TBC1D1: variants seen among roughly 807,000 people sequenced by gnomAD.
TBC1D1 encodes the protein TBC1 domain family member 1.
Under a neutral mutation model 125.6 loss-of-function variants are expected in TBC1D1, and 89 were observed. The ratio of observed to expected loss-of-function variants is 0.71; its 90% CI spans 0.60 to 0.85. The LOEUF (loss-of-function observed/expected upper bound fraction) is 0.85, where lower values mean the gene tolerates loss of function less well. Among genes scored for constraint, TBC1D1 ranks in the 40% least tolerant of loss-of-function variants. The pLI is 0.00. For missense variants in TBC1D1, 1,377 were observed against 1,469.2 expected (o/e 0.94, Z 1.03); for synonymous variants, 565 against 564.1 (o/e 1.00, Z -0.02).
At chr4:37,976,597 T>C (rs1733127927) in intron 2 of TBC1D1, among the ~76,000 whole-genome samples, 2 of 151,980 alleles carry the variant, frequency 1.3e-5, no homozygotes, top group Admixed American at 1.3e-4. Flanking sequence ...AGGAACTCAG[T>C]GAGTGGTTCC....
chr4:37,973,164 C>T (rs886720387), intron 2 of TBC1D1, among the ~76,000 whole-genome samples: 1 of 152,192 alleles, frequency 6.6e-6, no homozygotes, highest in Non-Finnish European at 1.5e-5. Flanking sequence ...ATTAGTGATT[C>T]TGCCTACTCC....
chr4:37,949,813 G>A (rs1727460777), intron 2 of TBC1D1, among the ~76,000 whole-genome samples: 1 of 152,140 alleles, frequency 6.6e-6, no homozygotes, highest in Non-Finnish European at 1.5e-5. Flanking sequence ...CCAAAAGAAT[G>A]GGCTTGGCTA....
intron 12 of TBC1D1, among the ~76,000 whole-genome samples, chr4:38,066,742 G>T (rs529896344): frequency 6.6e-6 from 1 of 152,302 alleles, no homozygotes; most frequent in South Asian, 2.1e-4. Context: ...CACATTCAGG[G>T]AGCTCTCCGC....
At chr4:37,987,883 G>A (rs939540938) in intron 2 of TBC1D1, among the ~76,000 whole-genome samples, 1 of 152,190 alleles carries the variant, frequency 6.6e-6, no homozygotes, top group Non-Finnish European at 1.5e-5. Flanking sequence ...CAGCTTACCT[G>A]GAAAGTTCTC....
chr4:38,079,617 C>T (rs535789180), intron 12 of TBC1D1, among the ~76,000 whole-genome samples: 53 of 151,790 alleles, frequency 3.5e-4, no homozygotes, highest in Non-Finnish European at 6.3e-4. Context: ...ATTGCAGCTA[C>T]TTGGGAGGCT....
intron 2 of TBC1D1, among the ~76,000 whole-genome samples, chr4:37,916,303 GCTCT>G (rs1311644667): frequency 6.6e-6 from 1 of 151,622 alleles, no homozygotes; most frequent in Non-Finnish European, 1.5e-5. Context: ...TTATAACTCA[GCTCT>G]CTCTCTTGTT....
intron 2 of TBC1D1, among the ~76,000 whole-genome samples, chr4:37,972,029 A>T (rs1418257211): frequency 2.0e-5 from 3 of 151,194 alleles, no homozygotes; most frequent in Middle Eastern, 3.2e-3. Flanking sequence ...ATCATCTGAG[A>T]CCCTCTACTC....
intron 2 of TBC1D1, among the ~76,000 whole-genome samples, chr4:38,009,060 G>A (rs999896100): frequency 5.9e-5 from 9 of 152,324 alleles, no homozygotes; most frequent in South Asian, 2.1e-4. Flanking sequence ...ATTTTCTCAA[G>A]TGTTTTGCAT....
chr4:37,901,393 G>T (rs190227213), intron 1 of TBC1D1, among the ~76,000 whole-genome samples: 1 of 152,122 alleles, frequency 6.6e-6, no homozygotes, highest in African/African-American at 2.4e-5. Flanking sequence ...CTGACCTCAG[G>T]TGATCCACCT....
At chr4:38,011,611 T>A (rs190045309) in intron 2 of TBC1D1, among the ~76,000 whole-genome samples, 3 of 152,308 alleles carry the variant, frequency 2.0e-5, no homozygotes, top group Admixed American at 2.0e-4. Context: ...CTCCTTTATA[T>A]CTGTATTACA....
At chr4:37,979,855 C>T (rs565625948) in intron 2 of TBC1D1, among the ~76,000 whole-genome samples, 1 of 152,348 alleles carries the variant, frequency 6.6e-6, no homozygotes, top group Admixed American at 6.5e-5. Flanking sequence ...TCTTGGCTCA[C>T]TGCAACCTCT....
At chr4:38,091,383 C>A (rs115273505) in intron 13 of TBC1D1, among the ~76,000 whole-genome samples, 2,135 of 152,232 alleles carry the variant, frequency 0.014, 57 homozygotes, top group African/African-American at 0.049. Context: ...TTCTTCCAAC[C>A]CAGTTTTTCT....
intron 14 of TBC1D1, among the ~76,000 whole-genome samples, chr4:38,097,054 C>G (rs1225203519): frequency 6.6e-6 from 1 of 152,258 alleles, no homozygotes; most frequent in Non-Finnish European, 1.5e-5. Flanking sequence ...CTACTGAGTT[C>G]TGGTTGAGCT....
At chr4:37,921,140 G>A (rs1384014896) in intron 2 of TBC1D1, among the ~76,000 whole-genome samples, 1 of 147,254 alleles carries the variant, frequency 6.8e-6, no homozygotes, top group Non-Finnish European at 1.5e-5. Flanking sequence ...AAAAAGAATG[G>A]AGACAAACGA....
At chr4:38,048,998 G>A (rs1749986276) in intron 10 of TBC1D1, among the ~76,000 whole-genome samples, 1 of 152,140 alleles carries the variant, frequency 6.6e-6, no homozygotes, top group African/African-American at 2.4e-5. Flanking sequence ...GTATCATCTT[G>A]CTTTGTTCTT....
chr4:37,922,827 T>G (rs1721294504), intron 2 of TBC1D1, among the ~76,000 whole-genome samples: 1 of 152,096 alleles, frequency 6.6e-6, no homozygotes. Flanking sequence ...GGGCTTGTGA[T>G]CCAAACCAGG....
chr4:37,999,551 A>G (rs9999507), intron 2 of TBC1D1, among the ~76,000 whole-genome samples: 88,985 of 151,762 alleles, frequency 0.59, 27,090 homozygotes, highest in East Asian at 0.89. Context: ...GCTCAGGGCT[A>G]TGACAGGTGT....
intron 15 of TBC1D1, among the ~76,000 whole-genome samples, chr4:38,114,233 A>G (rs1762605423): frequency 6.6e-6 from 1 of 152,168 alleles, no homozygotes; most frequent in Non-Finnish European, 1.5e-5. Context: ...GGAGCTATGG[A>G]TTGCTTACTA....
intron 2 of TBC1D1, among the ~76,000 whole-genome samples, chr4:37,941,269 G>A (rs534604450): frequency 2.4e-4 from 37 of 152,232 alleles, no homozygotes; most frequent in African/African-American, 8.2e-4. Context: ...TATGTGTCGA[G>A]GAATTTATCC....
Sources: gnomAD v4.1 joint callset for allele counts (sites outside exome capture counted in the v4.1 genomes callset) on GRCh38, gnomAD v4.1.1 for gene constraint, MANE v1.5 for transcripts, NCBI Gene and HGNC (gene_info 2026-07-23, HGNC 2026-07-21) for gene names.